The following TENM2 variants were observed in gnomAD, a reference collection of about 807,000 sequenced individuals.
The protein encoded by TENM2 is teneurin transmembrane protein 2.
A neutral mutation model predicts 245.2 loss-of-function variants in TENM2; 52 were observed. The observed-to-expected ratio is 0.21, with a 90% confidence interval of 0.17 to 0.27. The LOEUF (loss-of-function observed/expected upper bound fraction) is 0.27. TENM2 is among the 10% of genes least tolerant of loss of function. The probability of loss-of-function intolerance (pLI) is 1.00; values close to 1 mark genes in which losing one functional copy is unlikely to be tolerated. For missense variants in TENM2, 3,046 were observed against 3,666.8 expected (o/e 0.83, Z 4.37); for synonymous variants, 1,363 against 1,438.9 (o/e 0.95, Z 1.19).
chr5:167,290,112 A>G (rs1167654322), intron 1 of TENM2, among the ~76,000 whole-genome samples: 1 of 152,184 alleles, frequency 6.6e-6, no homozygotes, highest in Non-Finnish European at 1.5e-5. Flanking sequence ...TTCTTTTTTA[A>G]AAAATATCCT....
At chr5:167,851,886 A>G (rs982873675) in intron 2 of TENM2, among the ~76,000 whole-genome samples, 2 of 152,254 alleles carry the variant, frequency 1.3e-5, no homozygotes. Flanking sequence ...TGTTAGAGTT[A>G]TATCAATTGA....
At chr5:168,005,113 A>G (rs1373089100) in intron 5 of TENM2, among the ~76,000 whole-genome samples, 2 of 152,222 alleles carry the variant, frequency 1.3e-5, no homozygotes, top group African/African-American at 2.4e-5. Flanking sequence ...CTTCAAAACT[A>G]TCAGGAATTA....
chr5:167,636,809 AATTGT>A (rs1203222149), intron 2 of TENM2, among the ~76,000 whole-genome samples: 2 of 152,236 alleles, frequency 1.3e-5, no homozygotes, highest in Non-Finnish European at 2.9e-5. Context: ...GTTTTAAAAT[AATTGT>A]ATTGTACATA....
the TENM2 span, among the ~76,000 whole-genome samples, chr5:167,131,771 G>A: frequency 6.6e-5 from 10 of 152,106 alleles, no homozygotes; most frequent in African/African-American, 2.4e-4. Flanking sequence ...TGCATTAGGA[G>A]GAGGAAGTAT....
At chr5:167,246,853 T>C in the TENM2 span, among the ~76,000 whole-genome samples, 1 of 151,930 alleles carries the variant, frequency 6.6e-6, no homozygotes, top group Non-Finnish European at 1.5e-5. Flanking sequence ...TGCTTCATGT[T>C]CCCAGCTTCC....
At chr5:167,199,289 ACAG>A in the TENM2 span, among the ~76,000 whole-genome samples, 1 of 152,050 alleles carries the variant, frequency 6.6e-6, no homozygotes, top group African/African-American at 2.4e-5. Context: ...TTTCAGTAGC[ACAG>A]AGAATAATAT....
chr5:167,418,601 A>G (rs973459928), intron 2 of TENM2, among the ~76,000 whole-genome samples: 1 of 152,224 alleles, frequency 6.6e-6, no homozygotes, highest in African/African-American at 2.4e-5. Context: ...GACATGAACA[A>G]TAAAGAATCT....
rs1047818118 is a variant in TENM2 at position 167,482,055 on chromosome 5, A to G, written c.502+106582A>G. Among the ~76,000 whole-genome samples, 4 of 152,210 alleles carry G rather than the reference A, an allele frequency of 2.6e-5. 1 individual carries two copies. The highest frequency in any genetic ancestry group is 5.9e-5 in the Non-Finnish European group (4 of 68,036). On this transcript the variant is annotated intron_variant, in intron 2 of 28. Coordinates refer to ENST00000518659, the Ensembl canonical transcript of TENM2. ...TAGTTGTAAAAAATGTTTCATCGCTATAGAGTTATCTTTCAAAAATGTAAT... is the reference window on the plus strand; with the variant it reads ...TAGTTGTAAAAAATGTTTCATCGCTGTAGAGTTATCTTTCAAAAATGTAAT...
chr5:168,259,491 G>T (rs546474419), intron 27 of TENM2, among the ~76,000 whole-genome samples: 4 of 152,232 alleles, frequency 2.6e-5, no homozygotes, highest in Non-Finnish European at 4.4e-5. Context: ...GGGAGGCTGA[G>T]GCAGGAGAAT....
intron 7 of TENM2, among the ~76,000 whole-genome samples, chr5:168,083,064 G>C (rs553255207): frequency 1.1e-4 from 16 of 152,312 alleles, no homozygotes; most frequent in Middle Eastern, 3.4e-3. Context: ...AGTCTACAGA[G>C]GCAGGAAGGC....
chr5:167,521,560 A>C (rs1057377258), intron 2 of TENM2, among the ~76,000 whole-genome samples: 1 of 152,224 alleles, frequency 6.6e-6, no homozygotes, highest in Non-Finnish European at 1.5e-5. Context: ...GGATCTTGGC[A>C]TAGCCAAACA....
intron 2 of TENM2, among the ~76,000 whole-genome samples, chr5:167,589,496 A>G (rs1187956532): frequency 6.6e-6 from 1 of 152,176 alleles, no homozygotes; most frequent in African/African-American, 2.4e-5. Context: ...ATTGCATCCA[A>G]TGCTTTTGTG....
rs1036426773 is a variant in TENM2 at position 168,036,843 on chromosome 5, G to A, written c.1187-10584G>A. The stretch of plus-strand genomic sequence containing the variant: ...TTGTATCACTTATCTAATTGCAGAT[G>A]AAAATGTAGTTCTTTTTTATAGATG... On this transcript the variant is annotated intron_variant, in intron 5 of 28. Transcript: ENST00000518659. Among the ~76,000 whole-genome samples the A allele has an allele frequency of 2.0e-5, 3 of 151,408 alleles. No individual in the cohort carries two copies. The South Asian group carries it at 6.3e-4, about 32-fold the overall frequency.
In TENM2 at chr5:168,045,979, T is replaced by A. The variant is rs1406980240; in HGVS notation, c.1187-1448T>A. ...AGTAAATGTCACTTACTCTTATTAC[T>A]ATTTATCATCTCAAGAAGTTGTAAC... On this transcript the variant is annotated intron_variant, in intron 5 of 28. Transcript: ENST00000518659. Among the ~76,000 whole-genome samples, 6 of 152,330 alleles carry A rather than the reference T, an allele frequency of 3.9e-5. No homozygotes were observed. In the East Asian group the frequency reaches 1.2e-3, roughly 29 times the overall value.
At chr5:167,268,991 T>C in the TENM2 span, among the ~76,000 whole-genome samples, 1 of 152,038 alleles carries the variant, frequency 6.6e-6, no homozygotes, top group East Asian at 1.9e-4. Flanking sequence ...AGGAGCCAAC[T>C]CCTACACTCT....
At chr5:167,741,448 T>C (rs1242710573) in intron 2 of TENM2, among the ~76,000 whole-genome samples, 1 of 152,128 alleles carries the variant, frequency 6.6e-6, no homozygotes, top group African/African-American at 2.4e-5. Context: ...ACTTAAAGTG[T>C]GTTGTTCTCT....
intron 27 of TENM2, among the ~76,000 whole-genome samples, chr5:168,257,458 C>T (rs1459393655): frequency 1.3e-5 from 2 of 152,090 alleles, no homozygotes; most frequent in Non-Finnish European, 2.9e-5. Flanking sequence ...AAGAACAGCA[C>T]AGAGGCAGGA....
the TENM2 span, among the ~76,000 whole-genome samples, chr5:167,265,640 C>T: frequency 6.6e-6 from 1 of 152,096 alleles, no homozygotes; most frequent in African/African-American, 2.4e-5. Context: ...GAACTAGGGA[C>T]TGGAAAATTG....
intron 2 of TENM2, among the ~76,000 whole-genome samples, chr5:167,620,976 A>C (rs1005261492): frequency 1.3e-5 from 2 of 152,168 alleles, no homozygotes; most frequent in African/African-American, 4.8e-5. Flanking sequence ...TTAGATTTTC[A>C]AGTCCCTTTT....
Sources: allele counts gnomAD v4.1 joint callset (sites outside exome capture counted in the v4.1 genomes callset), GRCh38; gene constraint gnomAD v4.1.1; transcripts MANE v1.5; gene names NCBI Gene and HGNC (gene_info 2026-07-23, HGNC 2026-07-21).